Variants in SYN3 observed in about 807,000 individuals in gnomAD.
SYN3 encodes the protein synapsin-3.
In SYN3, 35 loss-of-function variants were observed where a neutral mutation model predicts 65.8. That is an observed-to-expected ratio of 0.53 (90% confidence interval 0.41 to 0.70). The LOEUF (loss-of-function observed/expected upper bound fraction) is 0.70, where lower values mean the gene tolerates loss of function less well. Among genes scored for constraint, SYN3 ranks in the 30% least tolerant of loss-of-function variants. The probability of loss-of-function intolerance (pLI) is 0.00; values close to 1 mark genes in which losing one functional copy is unlikely to be tolerated. For missense variants in SYN3, 680 were observed against 749.0 expected, an observed-to-expected ratio of 0.91 and a Z score of 1.08; for synonymous variants, 270 against 292.9, an observed-to-expected ratio of 0.92 and a Z score of 0.80.
chr22:32,525,523 C>A (rs1040709305), intron 12 of SYN3, among the ~76,000 whole-genome samples: 4 of 151,890 alleles, frequency 2.6e-5, no homozygotes, highest in Non-Finnish European at 4.4e-5. Flanking sequence ...CTGGCAAACA[C>A]GGTGAAACCC....
intron 3 of SYN3, among the ~76,000 whole-genome samples, chr22:32,939,458 C>T (rs998452306): frequency 1.3e-5 from 2 of 152,192 alleles, no homozygotes; most frequent in Admixed American, 6.5e-5. Context: ...GTAATCAATC[C>T]TCAGATCAAG....
intron 4 of SYN3, among the ~76,000 whole-genome samples, chr22:32,880,831 G>A (rs993243209): frequency 6.6e-6 from 1 of 152,208 alleles, no homozygotes; most frequent in Non-Finnish European, 1.5e-5. Flanking sequence ...AACAGCCCTC[G>A]CCACTGAAGG....
At chr22:32,945,896 C>G (rs5754350) in intron 3 of SYN3, among the ~76,000 whole-genome samples, 46,934 of 152,148 alleles carry the variant, frequency 0.31, 8,047 homozygotes, top group East Asian at 0.74. Context: ...TGAACAAACA[C>G]TTCTCAAAAG....
chr22:32,857,982 A>ACAACCTCT (rs762909931), intron 6 of SYN3: 111 of 1,613,878 alleles, frequency 6.9e-5, no homozygotes, highest in Non-Finnish European at 8.1e-5. Context: ...TCTGGACAAA[A>ACAACCTCT]CAACCTCTCC....
At chr22:32,912,636 A>C (rs982544264) in intron 4 of SYN3, among the ~76,000 whole-genome samples, 23 of 152,162 alleles carry the variant, frequency 1.5e-4, no homozygotes, top group African/African-American at 5.5e-4. Context: ...CATGAGGATC[A>C]CTTTAGCTCA....
chr22:32,776,391 G>A (rs1332188037), intron 6 of SYN3, among the ~76,000 whole-genome samples: 1 of 152,160 alleles, frequency 6.6e-6, no homozygotes, highest in Non-Finnish European at 1.5e-5. Flanking sequence ...CACCCATGAG[G>A]CAATAAGATA....
chr22:32,933,983 C>T (rs955033089), intron 3 of SYN3, among the ~76,000 whole-genome samples: 22 of 152,272 alleles, frequency 1.4e-4, no homozygotes, highest in African/African-American at 3.6e-4. Flanking sequence ...GGAGTACTTA[C>T]GCCTCTTGCT....
chr22:32,701,765 G>A (rs182378193), intron 6 of SYN3, among the ~76,000 whole-genome samples: 34 of 152,232 alleles, frequency 2.2e-4, no homozygotes, highest in Admixed American at 7.8e-4. Flanking sequence ...AAACAGTGCC[G>A]CAGTGAGCTG....
rs374012830 is a variant in SYN3 at position 32,878,941 on chromosome 22, A to C, written c.462-9816T>G. Among the ~76,000 whole-genome samples, 74 of 152,280 alleles carry C rather than the reference A, an allele frequency of 4.9e-4. 1 individual carries two copies. In the South Asian group the frequency reaches 0.015, roughly 31 times the overall value. ...TGGCCCTTGTGACTTTTCAAAAGAT[A>C]CCTAAATCTGGGTATTTATGTGAAA... On this transcript the variant is annotated intron_variant, in intron 4 of 13. Transcript: ENST00000358763.
intron 6 of SYN3, among the ~76,000 whole-genome samples, chr22:32,840,552 T>A (rs1383151724): frequency 6.6e-6 from 1 of 151,170 alleles, no homozygotes; most frequent in Non-Finnish European, 1.5e-5. Flanking sequence ...GGTCATCATC[T>A]TCCTGGAAAG....
At chr22:32,597,270 C>T (rs2059216544) in intron 6 of SYN3, among the ~76,000 whole-genome samples, 1 of 125,036 alleles carries the variant, frequency 8.0e-6, no homozygotes, top group Non-Finnish European at 1.6e-5. Context: ...GGCTGGAGTG[C>T]AATGGCACGA....
Position 32,518,205 on chromosome 22 carries a change from C to T in SYN3, c.1448G>A (p.Gly483Asp), listed in dbSNP as rs1376435439. ...GGATGCCCGGGATAGCTGCGGAGAG[C>T]CTGGTGACCTTTGCTGCTGTGGAGA... ...SGSPQQQRSP[G>D]SPQLSRASSG... is the part of the protein sequence containing the mutation. The change falls in exon 13 of 14, where the codon GGC becomes GAC. Residue 483 changes from glycine (G) to aspartate (D), a missense_variant. Physicochemically the swap from Gly to Asp is moderately conservative, Grantham distance 94. Transcript: ENST00000358763. 2.5e-6 allele frequency: 4 copies of T among 1,613,864 alleles called. No homozygotes were observed. The highest frequency in any genetic ancestry group is 3.4e-6 in the Non-Finnish European group (4 of 1,179,960).
chr22:32,874,087 T>C (rs933004114), intron 4 of SYN3, among the ~76,000 whole-genome samples: 1 of 152,124 alleles, frequency 6.6e-6, no homozygotes, highest in African/African-American at 2.4e-5. Flanking sequence ...TGAGCCGAGA[T>C]CGTGTCACTG....
intron 1 of SYN3, among the ~76,000 whole-genome samples, chr22:33,040,285 A>G (rs1430491223): frequency 1.3e-5 from 2 of 152,136 alleles, no homozygotes; most frequent in Non-Finnish European, 2.9e-5. Flanking sequence ...GGATCCTACC[A>G]AATTCACCTC....
chr22:32,935,185 G>A (rs2050736226), intron 3 of SYN3, among the ~76,000 whole-genome samples: 1 of 151,950 alleles, frequency 6.6e-6, no homozygotes, highest in South Asian at 2.1e-4. Context: ...AAGTCACCAG[G>A]GCTCGAAGAA....
At chr22:32,751,704 G>A (rs1317853873) in intron 6 of SYN3, among the ~76,000 whole-genome samples, 1 of 152,192 alleles carries the variant, frequency 6.6e-6, no homozygotes, top group Non-Finnish European at 1.5e-5. Context: ...GACAAATTCT[G>A]GGAGACCTTG....
chr22:32,922,375 T>C (rs2050357215), intron 4 of SYN3, among the ~76,000 whole-genome samples: 1 of 152,172 alleles, frequency 6.6e-6, no homozygotes, highest in South Asian at 2.1e-4. Context: ...GCACACACCC[T>C]ATAGGGTTGT....
intron 6 of SYN3, chr22:32,861,886 A>T (rs778879183): frequency 6.6e-6 from 1 of 152,624 alleles, no homozygotes; most frequent in Non-Finnish European, 1.5e-5. Context: ...ATCTTGTGTC[A>T]TGTGTAGGCT....
At chr22:32,618,801 C>A (rs1001499510) in intron 6 of SYN3, among the ~76,000 whole-genome samples, 1 of 152,172 alleles carries the variant, frequency 6.6e-6, no homozygotes, top group African/African-American at 2.4e-5. Flanking sequence ...CCTTGAACAG[C>A]TGAAAGTTCA....
Sources: allele counts gnomAD v4.1 joint callset (sites outside exome capture counted in the v4.1 genomes callset), GRCh38; gene constraint gnomAD v4.1.1; transcripts MANE v1.5; gene names NCBI Gene and HGNC (gene_info 2026-07-23, HGNC 2026-07-21).